Variants in PRICKLE2 observed in about 807,000 individuals in gnomAD.
The protein encoded by PRICKLE2 is prickle-like protein 2.
In PRICKLE2, 21 loss-of-function variants were observed where a neutral mutation model predicts 81.4. The observed-to-expected ratio is 0.26, with a 90% CI of 0.18 to 0.37. PRICKLE2 has a LOEUF of 0.37. PRICKLE2 is among the 10% of genes least tolerant of loss of function. PRICKLE2 has a pLI of 1.00. For synonymous variants in PRICKLE2, 456 were observed against 421.5 expected, an observed-to-expected ratio of 1.08 and a Z score of -1.00; for missense variants, 940 against 1,109.0, an observed-to-expected ratio of 0.85 and a Z score of 2.16.
rs961729913 is a variant in PRICKLE2, at chr3:64,190,237, TC to T, written c.144+8546del. 15 of 152,386 alleles carry T rather than the reference TC, an allele frequency of 9.8e-5. No individual in the cohort carries two copies. The East Asian group carries it at 1.9e-3, about 20-fold the overall frequency. 9.4% of individuals were successfully genotyped at this position (152,386 alleles called of 1,614,324 possible). On this transcript the variant is annotated intron_variant, in intron 2 of 7. Coordinates refer to ENST00000638394, the MANE Select transcript of PRICKLE2 (RefSeq NM_198859.4). ...TTAGCCAATCCCCCCAGCACCCTGC[TC>T]CACATCAATGATCTCTGAAGCTGTT...
At chr3:64,186,657 T>C (rs1559564099) in intron 2 of PRICKLE2, among the ~76,000 whole-genome samples, 1 of 152,178 alleles carries the variant, frequency 6.6e-6, no homozygotes, top group African/African-American at 2.4e-5. Context: ...ACTAACAGCT[T>C]GCACATATGG....
chr3:64,135,716 ACAC>A (rs2077267849), intron 7 of PRICKLE2, among the ~76,000 whole-genome samples: 1 of 146,564 alleles, frequency 6.8e-6, no homozygotes, highest in African/African-American at 2.7e-5. Flanking sequence ...ACACACACAC[ACAC>A]ACACGCACAC....
At chr3:64,225,539 G>A (rs2079019656), upstream of PRICKLE2, 1 of 665,294 alleles carries the variant, frequency 1.5e-6, no homozygotes, top group Non-Finnish European at 1.9e-6. Context: ...GTCCCATCCT[G>A]CTGCCCAGTG....
intron 2 of PRICKLE2, among the ~76,000 whole-genome samples, chr3:64,236,258 C>G (rs1163358145): frequency 6.6e-6 from 1 of 152,072 alleles, no homozygotes; most frequent in Non-Finnish European, 1.5e-5. Flanking sequence ...TTTTATTCAG[C>G]CCTCGATCCC....
At chr3:64,267,717 T>G (rs940676479) in intron 2 of PRICKLE2, among the ~76,000 whole-genome samples, 1 of 152,164 alleles carries the variant, frequency 6.6e-6, no homozygotes, top group Non-Finnish European at 1.5e-5. Flanking sequence ...ACTCAGACCC[T>G]CAGTTCACCA....
At chr3:64,135,677 C>G (rs945001536) in intron 7 of PRICKLE2, among the ~76,000 whole-genome samples, 1 of 144,140 alleles carries the variant, frequency 6.9e-6, no homozygotes, top group African/African-American at 2.6e-5. Flanking sequence ...CAGAACAGGA[C>G]GAGGAACGAT....
chr3:64,213,170 G>A (rs527303317), intron 1 of PRICKLE2, among the ~76,000 whole-genome samples: 10 of 150,282 alleles, frequency 6.7e-5, no homozygotes, highest in Admixed American at 6.7e-5. Flanking sequence ...TCCGCTTCCC[G>A]GGTTCAAGCA....
chr3:64,184,752 G>A (rs1298520163), intron 2 of PRICKLE2, among the ~76,000 whole-genome samples: 3 of 152,210 alleles, frequency 2.0e-5, no homozygotes, highest in African/African-American at 4.8e-5. Flanking sequence ...CAAGTAGCTT[G>A]GATTACAGGT....
chr3:64,165,650 A>C (rs1335080618), intron 2 of PRICKLE2, among the ~76,000 whole-genome samples: 4 of 152,070 alleles, frequency 2.6e-5, no homozygotes, highest in Non-Finnish European at 4.4e-5. Flanking sequence ...AGGAACTACC[A>C]GCGCATGCCA....
At chr3:64,158,216 G>T (rs2077669977) in intron 4 of PRICKLE2, among the ~76,000 whole-genome samples, 2 of 152,226 alleles carry the variant, frequency 1.3e-5, no homozygotes, top group South Asian at 4.1e-4. Context: ...TACAAGAGTG[G>T]CTGAGCTCAG....
Position 64,098,922 on chromosome 3 carries a change from T to G in PRICKLE2, c.*129A>C. Reference sequence around the variant, plus strand: ...GTCAACCTGTAACCTTGCCTCCATCTACTGACAGCATTTTCCCTTTTCTCC... The same window carrying G: ...GTCAACCTGTAACCTTGCCTCCATCGACTGACAGCATTTTCCCTTTTCTCC... On this transcript the variant is annotated 3_prime_UTR_variant, in exon 8 of 8. Coordinates refer to ENST00000638394, the MANE Select transcript of PRICKLE2 (RefSeq NM_198859.4). 2 of 1,023,664 alleles carry G rather than the reference T, an allele frequency of 2.0e-6. No individual in the cohort carries two copies. The highest frequency in any genetic ancestry group is 3.0e-6 in the Non-Finnish European group (2 of 655,870). 63.4% of individuals were successfully genotyped at this position (1,023,664 alleles called of 1,614,324 possible).
Position 64,168,723 on chromosome 3 carries a change from G to A in PRICKLE2, c.145-5594C>T, listed in dbSNP as rs1575613052. Among the ~76,000 whole-genome samples, 3 of 152,182 alleles carry A rather than the reference G, an allele frequency of 2.0e-5. No homozygotes were observed. In the South Asian group the frequency reaches 6.2e-4, roughly 32 times the overall value. ...TTTATCAAGAAAAAAAGAGACTGAA[G>A]AGACTGGCAGATGGATGGGAAAGAA... On this transcript the variant is annotated intron_variant, in intron 2 of 7. Coordinates refer to ENST00000638394, the MANE Select transcript of PRICKLE2 (RefSeq NM_198859.4).
At chr3:64,171,579 C>T (rs556854257) in intron 2 of PRICKLE2, among the ~76,000 whole-genome samples, 24 of 152,252 alleles carry the variant, frequency 1.6e-4, no homozygotes, top group African/African-American at 4.8e-4. Flanking sequence ...TGCTGTATAC[C>T]CCCAGAAGAG....
intron 1 of PRICKLE2, among the ~76,000 whole-genome samples, chr3:64,204,419 C>T (rs965287423): frequency 7.2e-5 from 11 of 152,126 alleles, no homozygotes; most frequent in African/African-American, 2.7e-4. Flanking sequence ...AGCAGTTAAG[C>T]AACTGAACTA....
At chr3:64,107,615 G>C (rs1041790665) in intron 7 of PRICKLE2, among the ~76,000 whole-genome samples, 2 of 152,118 alleles carry the variant, frequency 1.3e-5, no homozygotes, top group African/African-American at 4.8e-5. Context: ...GCTGAGGTGG[G>C]AGGAGCTCCT....
chr3:64,191,154 C>T (rs890796435), intron 2 of PRICKLE2, among the ~76,000 whole-genome samples: 3 of 152,112 alleles, frequency 2.0e-5, no homozygotes, highest in Admixed American at 2.0e-4. Context: ...CTTATGAAAA[C>T]CTTTTGAGAA....
rs1395964197 is a variant in PRICKLE2, at chr3:64,140,178, T to C, written c.1660+6652A>G. Among the ~76,000 whole-genome samples the C allele has an allele frequency of 2.6e-5, 4 of 152,164 alleles. No homozygotes were observed. In the East Asian group the frequency reaches 7.7e-4, roughly 29 times the overall value. On this transcript the variant is annotated intron_variant, in intron 7 of 7. Coordinates refer to ENST00000638394, the MANE Select transcript of PRICKLE2 (RefSeq NM_198859.4). ...TTACAACCCTGAAAAGTAGGGTCAT[T>C]CCATTTCAAAGATGAGGATAGTGAG...
upstream of PRICKLE2, among the ~76,000 whole-genome samples, chr3:64,228,273 A>G (rs968932498): frequency 2.4e-4 from 36 of 152,198 alleles, 1 homozygote; most frequent in Non-Finnish European, 1.5e-5. Flanking sequence ...ACAATTAAGT[A>G]GGCAATTAGA....
chr3:64,168,262 C>T (rs1263197613), intron 2 of PRICKLE2, among the ~76,000 whole-genome samples: 2 of 152,164 alleles, frequency 1.3e-5, no homozygotes, highest in African/African-American at 4.8e-5. Flanking sequence ...TCTTCACCAT[C>T]TAGATGCGGA....
Sources: gnomAD v4.1 joint callset for allele counts (sites outside exome capture counted in the v4.1 genomes callset) on GRCh38, gnomAD v4.1.1 for gene constraint, MANE v1.5 for transcripts, NCBI Gene and HGNC (gene_info 2026-07-23, HGNC 2026-07-21) for gene names.